Variants in HIBCH observed in about 807,000 individuals in gnomAD.
HIBCH encodes 3-hydroxyisobutyryl-CoA hydrolase, also known as 3-hydroxyisobutyryl-CoA hydrolase, mitochondrial.
In HIBCH, 50 loss-of-function variants were observed where a neutral mutation model predicts 58.2. The ratio of observed to expected loss-of-function variants is 0.86; its 90% CI spans 0.68 to 1.09. The LOEUF (loss-of-function observed/expected upper bound fraction) is 1.09, where lower values mean the gene tolerates loss of function less well. Ranked by LOEUF, HIBCH falls within the 50% of genes least tolerant of loss-of-function variation. The probability of loss-of-function intolerance (pLI) is 0.00; values close to 1 mark genes in which losing one functional copy is unlikely to be tolerated. For synonymous variants in HIBCH, 151 were observed against 146.9 expected (o/e 1.03, Z -0.20); for missense variants, 450 against 449.7 (o/e 1.00, Z -0.01).
exon 2 of HIBCH, chr2:190,189,753 T>C (rs1689627867): frequency 6.6e-6 from 1 of 152,212 alleles, no homozygotes; most frequent in Non-Finnish European, 1.5e-5. Flanking sequence ...CAAATTGGTT[T>C]CTCATTTATT....
intron 6 of HIBCH, among the ~76,000 whole-genome samples, chr2:190,282,922 T>C (rs116078442): frequency 0.019 from 2,854 of 149,216 alleles, 100 homozygotes; most frequent in African/African-American, 0.066. Flanking sequence ...AGATATAAAG[T>C]AACAATAAAG....
At chr2:190,199,686 T>C, downstream of HIBCH, 1 of 1,420,352 alleles carries the variant, frequency 7.0e-7, no homozygotes, top group Non-Finnish European at 9.2e-7. Flanking sequence ...AAACCTACCT[T>C]CTCTTGACAG....
intron 6 of HIBCH, among the ~76,000 whole-genome samples, chr2:190,283,183 T>A (rs1323309060): frequency 6.6e-6 from 1 of 152,222 alleles, no homozygotes; most frequent in East Asian, 1.9e-4. Context: ...AGAGTCAATG[T>A]CAGTATGTTC....
intron 11 of HIBCH, among the ~76,000 whole-genome samples, chr2:190,237,832 C>G: frequency 6.6e-6 from 1 of 151,912 alleles, no homozygotes; most frequent in East Asian, 1.9e-4. Context: ...TGCCCCCTAC[C>G]CTGATGGGCC....
At chr2:190,195,806 G>C (rs1448096063) in intron 1 of HIBCH, among the ~76,000 whole-genome samples, 1 of 152,116 alleles carries the variant, frequency 6.6e-6, no homozygotes, top group Non-Finnish European at 1.5e-5. Flanking sequence ...CTTTGGCACT[G>C]AATCTAAAAG....
intron 7 of HIBCH, among the ~76,000 whole-genome samples, chr2:190,257,149 GA>G (rs1444145091): frequency 6.6e-6 from 1 of 152,098 alleles, no homozygotes; most frequent in Non-Finnish European, 1.5e-5. Flanking sequence ...CAAATAGCTT[GA>G]AACATGTGAT....
intron 1 of HIBCH, chr2:190,311,123 C>A (rs1575766366): frequency 4.4e-6 from 2 of 459,344 alleles, no homozygotes; most frequent in Non-Finnish European, 8.1e-6. Context: ...TATTATGCCA[C>A]AAAAAAAATT....
At chr2:190,296,090 GT>G (rs1442770048) in intron 3 of HIBCH, among the ~76,000 whole-genome samples, 1 of 152,162 alleles carries the variant, frequency 6.6e-6, no homozygotes, top group Non-Finnish European at 1.5e-5. Flanking sequence ...ACTTAGGAAA[GT>G]TTACGGCCTT....
At chr2:190,287,166 A>AT (rs572364127) in intron 6 of HIBCH, among the ~76,000 whole-genome samples, 133 of 152,088 alleles carry the variant, frequency 8.7e-4, no homozygotes, top group Non-Finnish European at 1.6e-3. Context: ...GGTTCAAGCG[A>AT]TTATCATGCC....
At chr2:190,314,381 G>GCA (rs1688657385) in intron 1 of HIBCH, among the ~76,000 whole-genome samples, 1 of 77,430 alleles carries the variant, frequency 1.3e-5, no homozygotes. Context: ...GTATATATGT[G>GCA]TATATATATG....
intron 2 of HIBCH, among the ~76,000 whole-genome samples, chr2:190,308,024 T>C (rs1271096898): frequency 6.6e-6 from 1 of 151,700 alleles, no homozygotes; most frequent in Non-Finnish European, 1.5e-5. Flanking sequence ...TCTCCCTCTC[T>C]TTCTCTTTCT....
chr2:190,208,701 T>C (rs1188179572), intron 13 of HIBCH, 179 bp downstream of exon 13: 2 of 610,824 alleles, frequency 3.3e-6, no homozygotes, highest in Non-Finnish European at 5.8e-6. Context: ...TTGGAATATT[T>C]GCATTATACT....
chr2:190,229,622 A>G (rs995609001), intron 11 of HIBCH, among the ~76,000 whole-genome samples: 2 of 152,258 alleles, frequency 1.3e-5, no homozygotes, highest in African/African-American at 4.8e-5. Context: ...AGAGGGGAGG[A>G]TAAAGCATTT....
intron 2 of HIBCH, among the ~76,000 whole-genome samples, chr2:190,298,031 T>C (rs1351773689): frequency 6.6e-6 from 1 of 152,076 alleles, no homozygotes; most frequent in Non-Finnish European, 1.5e-5. Flanking sequence ...CTGTGTTAGT[T>C]TGCTGAGAAT....
Position 190,306,713 on chromosome 2 carries a change from T to C in HIBCH, c.78+4041A>G, listed in dbSNP as rs1225307921. 6.6e-6 allele frequency among the ~76,000 whole-genome samples: 1 copy of C among 152,212 alleles called. No individual in the cohort carries two copies. Among genetic ancestry groups the C allele is most frequent in the Non-Finnish European group, 1.5e-5 (1 of 68,032 alleles). ...TTAAGAAGCTAACTATTAGCTTGTA[T>C]AGTACTACAGACTGAATGCTTGCAT... On this transcript the variant is annotated intron_variant, in intron 2 of 13. Transcript: ENST00000359678. The surrounding 1 kb of genome is among the most constrained non-coding windows in gnomAD (Gnocchi z 4.6).
chr2:190,239,801 C>T (rs1686397675), intron 11 of HIBCH, among the ~76,000 whole-genome samples: 1 of 152,022 alleles, frequency 6.6e-6, no homozygotes, highest in Non-Finnish European at 1.5e-5. Flanking sequence ...AGCCATGTGC[C>T]ACCACGCCCA....
At chr2:190,270,280 TAA>T (rs1553502973) in intron 6 of HIBCH, among the ~76,000 whole-genome samples, 124 of 148,350 alleles carry the variant, frequency 8.4e-4, no homozygotes, top group East Asian at 1.9e-3. Context: ...TTTTTTTTTT[TAA>T]AAAAAAAGAT....
In HIBCH at chr2:190,315,119, T is replaced by C. The variant is rs976166933; in HGVS notation, c.36-4323A>G. On this transcript the variant is annotated intron_variant, in intron 1 of 13. Coordinates refer to ENST00000359678, the MANE Select transcript of HIBCH (RefSeq NM_014362.4). The surrounding 1 kb of genome is among the most constrained non-coding windows in gnomAD (Gnocchi z 5.4). ...CCTGCCACCATGCCCGGCTAATTTTTTGTATTTTTAGTAGAAACGGGGTTT... is the reference window on the plus strand; with the variant it reads ...CCTGCCACCATGCCCGGCTAATTTTCTGTATTTTTAGTAGAAACGGGGTTT... 2.0e-5 allele frequency among the ~76,000 whole-genome samples: 3 copies of C among 152,072 alleles called. No individual in the cohort carries two copies. Among genetic ancestry groups the C allele is most frequent in the Non-Finnish European group, 4.4e-5 (3 of 68,004 alleles).
chr2:190,196,663 G>T (rs1434487145), intron 1 of HIBCH, among the ~76,000 whole-genome samples: 1 of 151,794 alleles, frequency 6.6e-6, no homozygotes, highest in Non-Finnish European at 1.5e-5. Flanking sequence ...AAATGGTATT[G>T]TTTTATTTCT....
Sources: allele counts gnomAD v4.1 joint callset (sites outside exome capture counted in the v4.1 genomes callset), GRCh38; gene constraint gnomAD v4.1.1; non-coding constraint Gnocchi (gnomAD v3.1); transcripts MANE v1.5; gene names NCBI Gene and HGNC (gene_info 2026-07-23, HGNC 2026-07-21).